CTTNBP2NL: variants seen among roughly 807,000 people sequenced by gnomAD.
CTTNBP2NL encodes CTTNBP2 N-terminal-like protein.
A neutral mutation model predicts 32.5 loss-of-function variants in CTTNBP2NL; 16 were observed. The ratio of observed to expected loss-of-function variants is 0.49; its 90% confidence interval spans 0.33 to 0.75. CTTNBP2NL has a LOEUF of 0.75. Ranked by LOEUF, CTTNBP2NL falls within the 30% of genes least tolerant of loss-of-function variation. The pLI, the probability that CTTNBP2NL is intolerant of heterozygous loss-of-function variation, is 0.02. For synonymous variants in CTTNBP2NL, 298 were observed against 289.4 expected (o/e 1.03, Z -0.30); for missense variants, 645 against 756.0 (o/e 0.85, Z 1.72).
At chr1:112,410,164 G>A (rs376373548) in intron 1 of CTTNBP2NL, among the ~76,000 whole-genome samples, 3 of 152,102 alleles carry the variant, frequency 2.0e-5, no homozygotes, top group African/African-American at 4.8e-5. Flanking sequence ...AGGCCAAGGC[G>A]GGGGGATCAC....
At chr1:112,399,080 G>C (rs992896981) in intron 1 of CTTNBP2NL, among the ~76,000 whole-genome samples, 8 of 151,946 alleles carry the variant, frequency 5.3e-5, no homozygotes, top group Admixed American at 5.2e-4. Context: ...AGCACTTTGG[G>C]AAGCTGAGGC....
At chr1:112,417,960 A>G (rs1351293121) in intron 3 of CTTNBP2NL, among the ~76,000 whole-genome samples, 3 of 152,070 alleles carry the variant, frequency 2.0e-5, no homozygotes, top group South Asian at 2.1e-4. Flanking sequence ...CAACTTACCA[A>G]TTTTCTTCCT....
chr1:112,408,202 TTC>T (rs1458660260), intron 1 of CTTNBP2NL, among the ~76,000 whole-genome samples: 2 of 149,270 alleles, frequency 1.3e-5, no homozygotes, highest in African/African-American at 2.5e-5. Flanking sequence ...AAAAATTACT[TTC>T]TTTCTTTTTT....
In CTTNBP2NL at chr1:112,457,535, T is replaced by G. The variant is rs1650409042; in HGVS notation, c.*123T>G. ...AGCTGAAACCATCTGTATAATACAT[T>G]TAGTATATTTCACCATTTTGTATTT... is the stretch of plus-strand genomic sequence containing the variant. On this transcript the variant is annotated 3_prime_UTR_variant, in exon 6 of 6. Coordinates refer to ENST00000271277, the MANE Select transcript of CTTNBP2NL (RefSeq NM_018704.3). 1.2e-6 allele frequency: 1 copy of G among 827,992 alleles called. No individual in the cohort carries two copies. The highest frequency in any genetic ancestry group is 1.8e-6 in the Non-Finnish European group (1 of 543,036). The allele number at this position is 827,992 out of a possible 1,614,324, so 51.3% of individuals were successfully genotyped here. A position where few individuals can be genotyped will look rare whatever the true frequency, so the allele number is the denominator to read the frequency against.
intron 1 of CTTNBP2NL, among the ~76,000 whole-genome samples, chr1:112,399,215 AG>A (rs997825893): frequency 5.3e-5 from 8 of 150,390 alleles, no homozygotes; most frequent in African/African-American, 2.0e-4. Context: ...GCTACTCAGG[AG>A]GCTGAGGCAG....
At chr1:112,405,401 G>A (rs1026731735) in intron 1 of CTTNBP2NL, among the ~76,000 whole-genome samples, 1 of 152,112 alleles carries the variant, frequency 6.6e-6, no homozygotes, top group African/African-American at 2.4e-5. Flanking sequence ...GGGTTCAAGC[G>A]ATTCTCTTTC....
At chr1:112,416,745 G>A (rs997259587) in intron 3 of CTTNBP2NL, among the ~76,000 whole-genome samples, 1 of 152,054 alleles carries the variant, frequency 6.6e-6, no homozygotes, top group African/African-American at 2.4e-5. Context: ...CCCCCGCTTA[G>A]CCTCCCAAAG....
chr1:112,425,802 G>A (rs1314998304), intron 3 of CTTNBP2NL, among the ~76,000 whole-genome samples: 1 of 152,134 alleles, frequency 6.6e-6, no homozygotes, highest in Non-Finnish European at 1.5e-5. Flanking sequence ...GATTGAGGCT[G>A]CAATGAGCTA....
chr1:112,442,022 C>T (rs1019930152), intron 3 of CTTNBP2NL, among the ~76,000 whole-genome samples: 1 of 152,194 alleles, frequency 6.6e-6, no homozygotes, highest in Non-Finnish European at 1.5e-5. Context: ...ATAATGGGGG[C>T]GGCTGTGCCT....
chr1:112,439,047 C>A (rs548274553), intron 3 of CTTNBP2NL, among the ~76,000 whole-genome samples: 1 of 152,092 alleles, frequency 6.6e-6, no homozygotes, highest in Non-Finnish European at 1.5e-5. Context: ...CAGTGACAGC[C>A]GAAATTGCTG....
intron 4 of CTTNBP2NL, among the ~76,000 whole-genome samples, chr1:112,450,553 T>A (rs931872523): frequency 1.3e-5 from 2 of 152,188 alleles, no homozygotes; most frequent in Non-Finnish European, 2.9e-5. Context: ...ATAGGCAGGC[T>A]TTATTTCCAC....
At chr1:112,431,759 C>G (rs1021428643) in intron 3 of CTTNBP2NL, among the ~76,000 whole-genome samples, 4 of 151,964 alleles carry the variant, frequency 2.6e-5, no homozygotes, top group Admixed American at 2.6e-4. Flanking sequence ...ACAGTGAAAA[C>G]AAATTGCAAA....
intron 3 of CTTNBP2NL, among the ~76,000 whole-genome samples, chr1:112,418,541 G>T (rs1315435416): frequency 6.6e-6 from 1 of 151,602 alleles, no homozygotes; most frequent in East Asian, 1.9e-4. Flanking sequence ...ATTTAAAGTG[G>T]TTTTCTGTTT....
chr1:112,415,396 C>T (rs1467325603), intron 2 of CTTNBP2NL, among the ~76,000 whole-genome samples: 2 of 152,028 alleles, frequency 1.3e-5, no homozygotes, highest in Non-Finnish European at 1.5e-5. Flanking sequence ...TTTATTTTAA[C>T]CAATTGAAGA....
intron 1 of CTTNBP2NL, among the ~76,000 whole-genome samples, chr1:112,399,318 CAAAAAAAAA>C (rs72332884): frequency 3.8e-5 from 3 of 78,050 alleles, no homozygotes; most frequent in Non-Finnish European, 7.5e-5. Flanking sequence ...GACTCTGTCT[CAAAAAAAAA>C]AAAAAAAAAA....
chr1:112,435,531 AACTT>A (rs1365335162), intron 3 of CTTNBP2NL, among the ~76,000 whole-genome samples: 1 of 152,168 alleles, frequency 6.6e-6, no homozygotes, highest in East Asian at 1.9e-4. Flanking sequence ...TCAGAAAAGA[AACTT>A]AACTTTAGTA....
rs1487508770 is a variant in CTTNBP2NL at position 112,456,491 on chromosome 1, T to G, written c.999T>G (p.Thr333=). 3 of 1,614,102 alleles carry G rather than the reference T, an allele frequency of 1.9e-6. No individual in the cohort carries two copies. Among genetic ancestry groups the G allele is most frequent in the Non-Finnish European group, 2.5e-6 (3 of 1,179,998 alleles). ...GCAACATAGCCAAGATGACAAACAC[T>G]GGGCTGCCTGGTCCTGCCACTCCTG... ...HGSNIAKMTN[T]GLPGPATPAY... Residue 333 remains threonine (T), a synonymous_variant, in exon 6 of 6, where the codon ACT becomes ACG. Coordinates refer to ENST00000271277, the MANE Select transcript of CTTNBP2NL (RefSeq NM_018704.3).
chr1:112,397,606 GGTTTTGTCAA>G (rs1367391321), intron 1 of CTTNBP2NL, among the ~76,000 whole-genome samples: 1 of 152,140 alleles, frequency 6.6e-6, no homozygotes, highest in African/African-American at 2.4e-5. Flanking sequence ...TGCTCCTAAA[GGTTTTGTCAA>G]GTGGTCTTCA....
chr1:112,440,294 G>A (rs1378841916), intron 3 of CTTNBP2NL, among the ~76,000 whole-genome samples: 1 of 152,036 alleles, frequency 6.6e-6, no homozygotes, highest in African/African-American at 2.4e-5. Flanking sequence ...ACCTCTCCTG[G>A]TTTATCGACT....
Sources: gnomAD v4.1 joint callset for allele counts (sites outside exome capture counted in the v4.1 genomes callset) on GRCh38, gnomAD v4.1.1 for gene constraint, MANE v1.5 for transcripts, NCBI Gene and HGNC (gene_info 2026-07-23, HGNC 2026-07-21) for gene names.